The following ATP7A variants were observed in gnomAD, a reference collection of about 807,000 sequenced individuals.
ATP7A encodes the protein ATPase copper transporting alpha.
ATP7A carries 7 observed loss-of-function variants against 83.5 expected under a neutral mutation model. That is an observed-to-expected ratio of 0.08 (90% CI 0.05 to 0.16). The LOEUF (loss-of-function observed/expected upper bound fraction) is 0.16. Ranked by LOEUF, ATP7A falls within the 10% of genes least tolerant of loss-of-function variation. The pLI, the probability that ATP7A is intolerant of heterozygous loss-of-function variation, is 1.00. For synonymous variants in ATP7A, 354 were observed against 395.2 expected, an observed-to-expected ratio of 0.90 and a Z score of 1.24; for missense variants, 940 against 1,120.8, an observed-to-expected ratio of 0.84 and a Z score of 2.30.
intron 18 of ATP7A, 75 bp downstream of exon 18, chrX:78,039,057 C>T (rs181224522): frequency 1.6e-4 from 169 of 1,067,366 alleles, no homozygotes; most frequent in Non-Finnish European, 2.0e-4. Flanking sequence ...TTTGAGAGAC[C>T]TCTGAACTAT....
intron 5 of ATP7A, among the ~76,000 whole-genome samples, chrX:77,999,591 A>T (rs1167345120): frequency 9.0e-6 from 1 of 111,602 alleles, no homozygotes; most frequent in Non-Finnish European, 1.9e-5. Flanking sequence ...ATAGCACAGT[A>T]GATTTGTTAA....
intron 1 of ATP7A, among the ~76,000 whole-genome samples, chrX:77,918,369 A>G (rs1569548666): frequency 9.0e-6 from 1 of 111,145 alleles, no homozygotes; most frequent in East Asian, 2.8e-4. Flanking sequence ...GCCATCATGC[A>G]TAGCTGCTTA....
intron 4 of ATP7A, among the ~76,000 whole-genome samples, chrX:77,995,264 C>T (rs1397102251): frequency 9.0e-6 from 1 of 111,519 alleles, no homozygotes; most frequent in African/African-American, 3.3e-5. Context: ...AGCTATAAAT[C>T]TTAAAAGAGG....
chrX:77,980,457 A>C (rs2077598710), intron 2 of ATP7A, among the ~76,000 whole-genome samples: 1 of 109,870 alleles, frequency 9.1e-6, no homozygotes, highest in East Asian at 2.9e-4. Flanking sequence ...AAAGTAAATA[A>C]ATAAAATAAA....
In ATP7A at chrX:78,014,670, A is replaced by C. The variant is rs1320378426; in HGVS notation, c.2415A>C (p.Thr805=). The change falls in exon 11 of 23, where the codon ACA becomes ACC. Residue 805 remains threonine (T), a synonymous_variant. Transcript: ENST00000341514. ...RWLEHIAKGK[T]SEALAKLISL... is the part of the protein sequence containing the mutation. ...TTTGTTTTAATTTATAGGGCAAAAC[A>C]TCAGAGGCTCTTGCAAAGTTAATTT... 1.7e-6 allele frequency: 2 copies of C among 1,205,314 alleles called. No homozygotes were observed. Among genetic ancestry groups the C allele is most frequent in the Non-Finnish European group, 2.2e-6 (2 of 891,706 alleles).
intron 2 of ATP7A, among the ~76,000 whole-genome samples, chrX:77,979,501 C>T (rs1194001725): frequency 9.0e-6 from 1 of 111,512 alleles, no homozygotes; most frequent in Non-Finnish European, 1.9e-5. Flanking sequence ...CACATATACC[C>T]CTGAACTTAA....
chrX:78,009,797 C>T (rs2077804624), intron 7 of ATP7A, among the ~76,000 whole-genome samples: 2 of 112,028 alleles, frequency 1.8e-5, no homozygotes, highest in Admixed American at 9.5e-5. Context: ...GTCTCTGCAA[C>T]AAAAATTAAA....
At chrX:78,036,609 G>A (rs781897832) in intron 17 of ATP7A, among the ~76,000 whole-genome samples, 29 of 111,575 alleles carry the variant, frequency 2.6e-4, no homozygotes, top group Non-Finnish European at 4.0e-4. Flanking sequence ...AACCGGGCGC[G>A]GTGACTCACG....
Position 78,046,522 on chromosome X carries a change from C to T in ATP7A, c.4455C>T (p.His1485=). Residue 1485 remains histidine (H), a synonymous_variant, in exon 23 of 23, where the codon CAC becomes CAT. Coordinates refer to ENST00000341514, the MANE Select transcript of ATP7A (RefSeq NM_000052.7). ...NSVVTSEPDK[H]SLLVGDFRED... The stretch of plus-strand genomic sequence containing the variant: ...TTGTTACCAGTGAACCTGACAAGCA[C>T]TCACTCCTGGTGGGAGACTTCAGGG... The T allele has an allele frequency of 8.3e-7, 1 of 1,211,661 alleles. No homozygotes were observed. Among genetic ancestry groups the T allele is most frequent in the Non-Finnish European group, 1.1e-6 (1 of 895,495 alleles).
chrX:77,966,802 C>A (rs1557228812), intron 1 of ATP7A: 3 of 328,044 alleles, frequency 9.1e-6, no homozygotes, highest in Non-Finnish European at 1.8e-5. Context: ...CTAAAAAAAA[C>A]CAGGATAGAT....
intron 1 of ATP7A, among the ~76,000 whole-genome samples, chrX:77,953,374 T>C (rs2077424365): frequency 1.8e-5 from 2 of 111,683 alleles, no homozygotes; most frequent in South Asian, 7.4e-4. Context: ...ATTGTTTTGA[T>C]GAGGGAGAGG....
intron 15 of ATP7A, 58 bp downstream of exon 15, chrX:78,029,502 C>T: frequency 1.9e-6 from 2 of 1,071,814 alleles, no homozygotes; most frequent in Non-Finnish European, 2.6e-6. Flanking sequence ...GCACCCCTCA[C>T]ATGTGAGAAA....
At chrX:77,912,104 A>C (rs2077163829) in intron 1 of ATP7A, among the ~76,000 whole-genome samples, 1 of 112,165 alleles carries the variant, frequency 8.9e-6, no homozygotes, top group Non-Finnish European at 1.9e-5. Flanking sequence ...CTGGCATTTT[A>C]TTATATTTAA....
chrX:78,024,096 A>G (rs782636580), intron 14 of ATP7A, among the ~76,000 whole-genome samples: 1 of 111,418 alleles, frequency 9.0e-6, no homozygotes, highest in African/African-American at 3.3e-5. Flanking sequence ...GTTGAAGACC[A>G]GTTGGTTGTA....
At chrX:78,019,077 G>T (rs1557235463) in intron 12 of ATP7A, among the ~76,000 whole-genome samples, 3 of 112,061 alleles carry the variant, frequency 2.7e-5, no homozygotes, top group Non-Finnish European at 5.6e-5. Flanking sequence ...GGGACACAGA[G>T]CCAAACCGTA....
intron 1 of ATP7A, among the ~76,000 whole-genome samples, chrX:77,933,070 C>A (rs1294593298): frequency 1.8e-5 from 2 of 112,327 alleles, no homozygotes; most frequent in Non-Finnish European, 3.8e-5. Flanking sequence ...GCTGGAATGA[C>A]AGCAGTGAAC....
chrX:77,917,220 A>G (rs916112106), intron 1 of ATP7A, among the ~76,000 whole-genome samples: 5 of 112,096 alleles, frequency 4.5e-5, no homozygotes, highest in African/African-American at 1.6e-4. Context: ...GACTTGCTTG[A>G]TTGTAGTAGA....
chrX:77,927,610 G>A (rs2077248730), intron 1 of ATP7A, among the ~76,000 whole-genome samples: 1 of 111,326 alleles, frequency 9.0e-6, no homozygotes, highest in African/African-American at 3.3e-5. Context: ...TATATTCTTA[G>A]AACTGGAATT....
chrX:77,936,043 C>T (rs1350779109), intron 1 of ATP7A, among the ~76,000 whole-genome samples: 1 of 112,518 alleles, frequency 8.9e-6, no homozygotes, highest in African/African-American at 3.2e-5. Context: ...CTAATTTTCA[C>T]TTCTTGATTT....
Sources: gnomAD v4.1 joint callset for allele counts (sites outside exome capture counted in the v4.1 genomes callset) on GRCh38, gnomAD v4.1.1 for gene constraint, MANE v1.5 for transcripts, NCBI Gene and HGNC (gene_info 2026-07-23, HGNC 2026-07-21) for gene names.